GRM8: variants seen among roughly 807,000 people sequenced by gnomAD.
GRM8 encodes glutamate metabotropic receptor 8, also known as metabotropic glutamate receptor 8.
In GRM8, 47 loss-of-function variants were observed where a neutral mutation model predicts 87.2. The ratio of observed to expected loss-of-function variants is 0.54; its 90% CI spans 0.43 to 0.69. The LOEUF (loss-of-function observed/expected upper bound fraction) is 0.69. Among genes scored for constraint, GRM8 ranks in the 30% least tolerant of loss-of-function variants. The pLI is 0.00. For missense variants in GRM8, 1,019 were observed against 1,139.2 expected, an observed-to-expected ratio of 0.89 and a Z score of 1.52; for synonymous variants, 396 against 404.5, an observed-to-expected ratio of 0.98 and a Z score of 0.25.
intron 2 of GRM8, among the ~76,000 whole-genome samples, chr7:127,160,535 G>GTGCA (rs1554603507): frequency 3.6e-5 from 5 of 140,328 alleles, no homozygotes; most frequent in African/African-American, 1.6e-4. Flanking sequence ...TCACGCGCGC[G>GTGCA]CACACACACA....
chr7:127,242,847 C>T lies in GRM8; in HGVS notation c.358G>A (p.Val120Met), dbSNP rs200075100. The stretch of plus-strand genomic sequence containing the variant: ...GCATCTTTCTCTATTAATGCCTGCA[C>T]GAATGTTAGAGACTGCTCCAAAGCA... ...TYALEQSLTF[V>M]QALIEKDASD... Residue 120 changes from valine (V) to methionine (M), a missense_variant, in exon 2 of 11, where the codon GTG (valine) becomes ATG (methionine). Physicochemically the swap from Val to Met is conservative, Grantham distance 21. Transcript: ENST00000339582. 456 of 1,613,988 alleles carry T rather than the reference C, an allele frequency of 2.8e-4. No homozygotes were observed. Among genetic ancestry groups the T allele is most frequent in the Non-Finnish European group, 3.7e-4 (432 of 1,180,008 alleles).
intron 7 of GRM8, among the ~76,000 whole-genome samples, chr7:126,764,210 T>C (rs1817947112): frequency 6.6e-6 from 1 of 151,994 alleles, no homozygotes; most frequent in Non-Finnish European, 1.5e-5. Flanking sequence ...ACTGATAGAA[T>C]ATTAATAATA....
At chr7:126,958,401 C>T (rs1054949458) in intron 3 of GRM8, among the ~76,000 whole-genome samples, 12 of 152,310 alleles carry the variant, frequency 7.9e-5, no homozygotes, top group Admixed American at 4.6e-4. Flanking sequence ...AGTGCCACCA[C>T]GTTCCACTTG....
intron 2 of GRM8, among the ~76,000 whole-genome samples, chr7:127,236,470 T>C (rs1205673013): frequency 1.3e-5 from 2 of 152,168 alleles, no homozygotes; most frequent in Non-Finnish European, 2.9e-5. Context: ...AGAAACCTTC[T>C]TCACAAGGTG....
At chr7:127,161,655 C>CA (rs5887326) in intron 2 of GRM8, among the ~76,000 whole-genome samples, 102,046 of 151,962 alleles carry the variant, frequency 0.67, 35,280 homozygotes, top group African/African-American at 0.76. Context: ...GAAAATATAC[C>CA]TTCTTTACTT....
At chr7:126,498,548 A>G (rs1483670046) in intron 9 of GRM8, among the ~76,000 whole-genome samples, 3 of 151,990 alleles carry the variant, frequency 2.0e-5, no homozygotes, top group Admixed American at 6.6e-5. Context: ...AAACGGCTCT[A>G]CAGAAAACAC....
chr7:126,958,448 G>T (rs1041722410), intron 3 of GRM8, among the ~76,000 whole-genome samples: 2 of 152,192 alleles, frequency 1.3e-5, no homozygotes, highest in Non-Finnish European at 2.9e-5. Context: ...GCCGCTTGCG[G>T]TATGTCTGGT....
chr7:126,555,094 G>A (rs1458645603), intron 8 of GRM8, among the ~76,000 whole-genome samples: 1 of 152,032 alleles, frequency 6.6e-6, no homozygotes, highest in Admixed American at 6.6e-5. Context: ...ACAAAACAAA[G>A]AACATAAATA....
At chr7:126,516,262 C>T (rs1411352339) in intron 9 of GRM8, among the ~76,000 whole-genome samples, 1 of 151,706 alleles carries the variant, frequency 6.6e-6, no homozygotes, top group African/African-American at 2.4e-5. Context: ...AAATAATTAT[C>T]CATTGTTTAT....
chr7:127,139,161 G>C (rs1318427181), intron 2 of GRM8, among the ~76,000 whole-genome samples: 4 of 152,154 alleles, frequency 2.6e-5, no homozygotes, highest in Admixed American at 6.5e-5. Context: ...GTGGACAGTG[G>C]AAAGAACAAT....
chr7:127,016,387 T>C (rs1196572767), intron 3 of GRM8, among the ~76,000 whole-genome samples: 1 of 152,012 alleles, frequency 6.6e-6, no homozygotes, highest in Non-Finnish European at 1.5e-5. Flanking sequence ...CTTTATGCAT[T>C]CCAAAAACAA....
intron 6 of GRM8, among the ~76,000 whole-genome samples, chr7:126,806,037 T>G (rs73451279): frequency 0.11 from 17,187 of 152,226 alleles, 1,401 homozygotes; most frequent in Non-Finnish European, 0.14. Flanking sequence ...ATGTTCAGCC[T>G]ACTGTGTCCA....
At chr7:126,534,420 T>C (rs539400124) in intron 8 of GRM8, among the ~76,000 whole-genome samples, 51 of 152,342 alleles carry the variant, frequency 3.3e-4, no homozygotes, top group Non-Finnish European at 5.6e-4. Context: ...TGGAGATAAC[T>C]ATATTAATGT....
At chr7:126,485,186 C>T (rs1295212316) in intron 9 of GRM8, among the ~76,000 whole-genome samples, 1 of 151,926 alleles carries the variant, frequency 6.6e-6, no homozygotes, top group African/African-American at 2.4e-5. Flanking sequence ...AGGTCTCTGT[C>T]CTGAAGAAGC....
intron 9 of GRM8, among the ~76,000 whole-genome samples, chr7:126,506,252 C>T (rs185382793): frequency 5.9e-4 from 89 of 151,520 alleles, no homozygotes; most frequent in African/African-American, 1.8e-3. Context: ...TGTAGACATA[C>T]GTGTATCTAC....
chr7:127,207,783 A>G (rs1795996347), intron 2 of GRM8, among the ~76,000 whole-genome samples: 1 of 152,168 alleles, frequency 6.6e-6, no homozygotes, highest in Non-Finnish European at 1.5e-5. Context: ...ATCAATGTTA[A>G]CATAGAGATC....
At chr7:127,022,428 G>T (rs1816368364) in intron 3 of GRM8, among the ~76,000 whole-genome samples, 1 of 151,920 alleles carries the variant, frequency 6.6e-6, no homozygotes, top group Admixed American at 6.6e-5. Context: ...TAAATTTAAT[G>T]ACTATAATAA....
intron 3 of GRM8, among the ~76,000 whole-genome samples, chr7:126,930,893 C>A (rs1805694404): frequency 6.6e-6 from 1 of 152,122 alleles, no homozygotes; most frequent in Admixed American, 6.5e-5. Flanking sequence ...TCTGCTTTTC[C>A]AAGCCTCCTC....
At chr7:126,573,112 G>A (rs1794819341) in intron 8 of GRM8, among the ~76,000 whole-genome samples, 2 of 152,146 alleles carry the variant, frequency 1.3e-5, no homozygotes, top group African/African-American at 4.8e-5. Flanking sequence ...ATGGCCCCAG[G>A]TTTATGGTGT....
Sources: gnomAD v4.1 joint callset for allele counts (sites outside exome capture counted in the v4.1 genomes callset) on GRCh38, gnomAD v4.1.1 for gene constraint, MANE v1.5 for transcripts, NCBI Gene and HGNC (gene_info 2026-07-23, HGNC 2026-07-21) for gene names.